Variants in TSHR observed in about 807,000 individuals in gnomAD.
TSHR encodes thyroid stimulating hormone receptor.
TSHR carries 51 observed loss-of-function variants against 64.1 expected under a neutral mutation model. That is an observed-to-expected ratio of 0.80 (90% CI 0.64 to 1.01). The LOEUF (loss-of-function observed/expected upper bound fraction) is 1.01, where lower values mean the gene tolerates loss of function less well. Ranked by LOEUF, TSHR falls within the 50% of genes least tolerant of loss-of-function variation. TSHR has a pLI of 0.00. For missense variants in TSHR, 877 were observed against 942.8 expected, an observed-to-expected ratio of 0.93 and a Z score of 0.91; for synonymous variants, 361 against 361.9, an observed-to-expected ratio of 1.00 and a Z score of 0.03.
At position 81,096,642 on chromosome 14, in the gene TSHR, G is replaced by A. The variant is rs1338244202; in HGVS notation, c.549G>A (p.Lys183=). Residue 183 remains lysine, a synonymous_variant, in exon 7 of 10, where the codon AAG becomes AAA. Coordinates refer to ENST00000298171, the MANE Select transcript of TSHR (RefSeq NM_000369.5). ...CTCTTCTCTCTGTTGGTTGTAGGAA[G>A]CTGTACAACAATGGCTTTACTTCAG... ...QGLCNETLTL[K]LYNNGFTSVQ... is the part of the protein sequence containing the mutation. 6.2e-7 allele frequency: 1 copy of A among 1,613,482 alleles called. No individual in the cohort carries two copies. The highest frequency in any genetic ancestry group is 1.3e-5 in the African/African-American group (1 of 74,912).
intron 1 of TSHR, among the ~76,000 whole-genome samples, chr14:81,060,264 T>C (rs1886137962): frequency 6.6e-6 from 1 of 152,096 alleles, no homozygotes; most frequent in Non-Finnish European, 1.5e-5. Context: ...TGGGTGATAC[T>C]CAACAGGTGT....
chr14:81,112,596 C>A (rs1890272599), intron 8 of TSHR, among the ~76,000 whole-genome samples: 1 of 152,200 alleles, frequency 6.6e-6, no homozygotes, highest in Non-Finnish European at 1.5e-5. Flanking sequence ...TCTGGTTAAA[C>A]TCTCCCTAGC....
At chr14:81,085,880 G>A (rs975636295) in intron 3 of TSHR, among the ~76,000 whole-genome samples, 10 of 152,194 alleles carry the variant, frequency 6.6e-5, no homozygotes, top group Non-Finnish European at 1.2e-4. Flanking sequence ...AACAGAGATT[G>A]ATAGTCTCTA....
chr14:81,094,679 ATTTTT>A (rs1162262371), intron 6 of TSHR, among the ~76,000 whole-genome samples: 2 of 76,242 alleles, frequency 2.6e-5, no homozygotes, highest in Non-Finnish European at 4.3e-5. Context: ...TATTTTTTTA[ATTTTT>A]TTTTTTTTTT....
At chr14:80,975,668 A>G (rs1252367126) in intron 1 of TSHR, among the ~76,000 whole-genome samples, 10 of 152,216 alleles carry the variant, frequency 6.6e-5, no homozygotes, top group Non-Finnish European at 1.0e-4. Flanking sequence ...TGCCAAAGTC[A>G]TATTAACAAC....
intron 1 of TSHR, among the ~76,000 whole-genome samples, chr14:80,971,422 TTCTC>T (rs898888814): frequency 6.6e-6 from 1 of 152,212 alleles, no homozygotes; most frequent in African/African-American, 2.4e-5. Context: ...CTACTTTTGA[TTCTC>T]TCTATTGATA....
chr14:81,033,874 G>A (rs1388381286), intron 1 of TSHR, among the ~76,000 whole-genome samples: 1 of 152,144 alleles, frequency 6.6e-6, no homozygotes, highest in Non-Finnish European at 1.5e-5. Context: ...ACAAAGGAAG[G>A]AATTCTTATA....
At chr14:81,035,000 A>G (rs967338843) in intron 1 of TSHR, among the ~76,000 whole-genome samples, 3 of 146,094 alleles carry the variant, frequency 2.1e-5, no homozygotes, top group Non-Finnish European at 4.6e-5. Context: ...TACTCTTACT[A>G]AAGCCTTCGG....
intron 1 of TSHR, among the ~76,000 whole-genome samples, chr14:80,959,880 T>C (rs1886925259): frequency 6.6e-6 from 1 of 152,246 alleles, no homozygotes; most frequent in Non-Finnish European, 1.5e-5. Flanking sequence ...TCAGTATTTT[T>C]AAGTTGACTC....
intron 8 of TSHR, among the ~76,000 whole-genome samples, chr14:81,132,379 A>G (rs1439940384): frequency 6.6e-6 from 1 of 152,252 alleles, no homozygotes; most frequent in Non-Finnish European, 1.5e-5. Context: ...CTCTCAAAAA[A>G]TAAAAATAGT....
intron 1 of TSHR, among the ~76,000 whole-genome samples, chr14:80,973,330 C>CG (rs1306674261): frequency 1.4e-5 from 2 of 140,016 alleles, no homozygotes; most frequent in Non-Finnish European, 3.0e-5. Flanking sequence ...GCGTGAACCC[C>CG]GGGGGGCGGA....
chr14:81,032,531 G>T, intron 1 of TSHR: 1 of 398,194 alleles, frequency 2.5e-6, no homozygotes, highest in South Asian at 2.4e-5. Context: ...TTCTTACCAT[G>T]GAAAATTCAG....
intron 1 of TSHR, among the ~76,000 whole-genome samples, chr14:81,007,293 C>T (rs1326599537): frequency 6.6e-6 from 1 of 152,198 alleles, no homozygotes; most frequent in Non-Finnish European, 1.5e-5. Context: ...CTGCTTAAGC[C>T]ATTCAGTCTG....
At chr14:81,079,867 A>G (rs1198059205) in intron 3 of TSHR, among the ~76,000 whole-genome samples, 1 of 151,910 alleles carries the variant, frequency 6.6e-6, no homozygotes, top group Non-Finnish European at 1.5e-5. Context: ...AAAGAAAAAA[A>G]AAAAAAAAAG....
intron 1 of TSHR, among the ~76,000 whole-genome samples, chr14:80,988,418 T>C (rs1372878063): frequency 1.3e-5 from 2 of 152,030 alleles, no homozygotes; most frequent in African/African-American, 4.8e-5. Context: ...TGACCAGATC[T>C]CATGAGAGCT....
In TSHR at chr14:81,032,945, AAAAGAGATCCCTAGAGCC is replaced by A. The variant is rs1884424491; in HGVS notation, c.171-29199_171-29182del. ...GCTGAACAAAGACAAGCTTCTAGTCAAAAGAGATCCCTAGAGCCAAAAACAAAAGGTGCACCAAAAGTC... is the reference window on the plus strand; with the variant it reads ...GCTGAACAAAGACAAGCTTCTAGTCAAAAAACAAAAGGTGCACCAAAAGTC... On this transcript the variant is annotated intron_variant, in intron 1 of 9. Coordinates refer to ENST00000298171, the MANE Select transcript of TSHR (RefSeq NM_000369.5). 9 of 362,458 alleles carry A rather than the reference AAAAGAGATCCCTAGAGCC, an allele frequency of 2.5e-5. No individual in the cohort carries two copies. The South Asian group carries it at 2.5e-4, about 10-fold the overall frequency. 22.5% of individuals were successfully genotyped at this position (362,458 alleles called of 1,614,324 possible).
intron 1 of TSHR, among the ~76,000 whole-genome samples, chr14:81,047,578 C>T (rs958505692): frequency 1.3e-5 from 2 of 152,088 alleles, no homozygotes; most frequent in Admixed American, 6.5e-5. Flanking sequence ...AAAACAGTTA[C>T]CCTGTGCTAA....
chr14:80,956,311 A>C (rs1047139121), intron 1 of TSHR, among the ~76,000 whole-genome samples: 2 of 152,216 alleles, frequency 1.3e-5, no homozygotes, highest in Non-Finnish European at 2.9e-5. Flanking sequence ...TGATTCATCA[A>C]ATTGTTGACA....
At chr14:81,086,083 G>A (rs1888265921) in intron 3 of TSHR, among the ~76,000 whole-genome samples, 1 of 152,224 alleles carries the variant, frequency 6.6e-6, no homozygotes, top group African/African-American at 2.4e-5. Flanking sequence ...AATAGTTTAG[G>A]ATTAGCATAG....
Sources: gnomAD v4.1 joint callset for allele counts (sites outside exome capture counted in the v4.1 genomes callset) on GRCh38, gnomAD v4.1.1 for gene constraint, MANE v1.5 for transcripts, NCBI Gene and HGNC (gene_info 2026-07-23, HGNC 2026-07-21) for gene names.